Variants in NICN1 observed in about 807,000 individuals in gnomAD.
NICN1 encodes the protein nicolin 1, tubulin polyglutamylase complex subunit.
In NICN1, 18 loss-of-function variants were observed where a neutral mutation model predicts 26.3. The observed-to-expected ratio is 0.68, with a 90% CI of 0.47 to 1.01. The LOEUF (loss-of-function observed/expected upper bound fraction) is 1.01, where lower values mean the gene tolerates loss of function less well. Among genes scored for constraint, NICN1 ranks in the 50% least tolerant of loss-of-function variants. The pLI, the probability that NICN1 is intolerant of heterozygous loss-of-function variation, is 0.00. For missense variants in NICN1, 239 were observed against 278.3 expected (o/e 0.86, Z 1.00); for synonymous variants, 109 against 111.0 (o/e 0.98, Z 0.11).
rs914716059 is a variant in NICN1, at chr3:49,422,397, G to A, written c.*2436C>T. 3.7e-6 allele frequency: 6 copies of A among 1,613,884 alleles called. No individual in the cohort carries two copies. The African/African-American group carries it at 4.0e-5, about 11-fold the overall frequency. ...TAAGTGGACGACACAAGGCCGGGGGGAATGCCTGCAGGCGAAAGCCCAGAC... is the reference window on the plus strand; with the variant it reads ...TAAGTGGACGACACAAGGCCGGGGGAAATGCCTGCAGGCGAAAGCCCAGAC... On this transcript the variant is annotated 3_prime_UTR_variant, in exon 6 of 6. Transcript: ENST00000273598.
chr3:49,422,495 T>C lies in NICN1; in HGVS notation c.*2338A>G, dbSNP rs759639271. ...AGACGGCGCACAGAGGCCACCACAC[T>C]GCCAGGCACGCCGGGAGATGTAGTC... On this transcript the variant is annotated 3_prime_UTR_variant, in exon 6 of 6. Transcript: ENST00000273598. The C allele has an allele frequency of 2.5e-6, 4 of 1,583,278 alleles. No individual in the cohort carries two copies. In the South Asian group the frequency reaches 4.5e-5, roughly 18 times the overall value.
At chr3:49,429,005 A>G (rs944503499) in intron 1 of NICN1, 103 bp downstream of exon 1, 2 of 1,118,836 alleles carry the variant, frequency 1.8e-6, no homozygotes, top group Non-Finnish European at 2.5e-6. Flanking sequence ...GGCAAGGAAG[A>G]CGGCAGAGGC....
chr3:49,426,100 G>A, intron 2 of NICN1, 104 bp from the exon 3 acceptor site: 5 of 1,110,422 alleles, frequency 4.5e-6, no homozygotes, highest in East Asian at 2.5e-5. Context: ...GCCTTGGGAA[G>A]GAAGGAACAG....
intron 4 of NICN1, 47 bp from the exon 5 acceptor site, chr3:49,425,100 T>C: frequency 2.0e-6 from 3 of 1,519,198 alleles, no homozygotes; most frequent in Non-Finnish European, 2.7e-6. Context: ...TCCCCAGCAG[T>C]GCCCTTCAGG....
rs1385065263 is a variant in NICN1 at position 49,425,052 on chromosome 3, C to A, written c.497G>T (p.Gly166Val). The stretch of plus-strand genomic sequence containing the variant: ...GGATACCCTGCTGGGGTCTGGGAGA[C>A]CCTGCTCCAGAAGGAGGGGTCAGTG... ...PCEQPALLRE[G>V]LPDPSRVSSE... The change falls in exon 5 of 6, where the codon GGT becomes GTT. Residue 166 changes from glycine to valine, a missense_variant and splice_region_variant. Physicochemically the swap from Gly to Val is moderately radical, Grantham distance 109. Transcript: ENST00000273598. 3.7e-6 allele frequency: 6 copies of A among 1,613,220 alleles called. 1 individual carries two copies. In the African/African-American group the frequency reaches 8.0e-5, roughly 22 times the overall value.
Position 49,423,150 on chromosome 3 carries a change from C to T in NICN1, c.*1683G>A, listed in dbSNP as rs2049139116. On this transcript the variant is annotated 3_prime_UTR_variant, in exon 6 of 6. Transcript: ENST00000273598. ...GATGAAGTCGCCACCTGCAAGAACT[C>T]ACAGGTGAGAACAGAGGGTGGCCAC... is the stretch of plus-strand genomic sequence containing the variant. 1 of 159,670 alleles carries T rather than the reference C, an allele frequency of 6.3e-6. No individual in the cohort carries two copies. The highest frequency in any genetic ancestry group is 1.4e-5 in the Non-Finnish European group (1 of 72,286). The allele number at this position is 159,670 out of a possible 1,614,324, so 9.9% of individuals were successfully genotyped here.
At position 49,426,200 on chromosome 3, in the gene NICN1, C is replaced by T; in HGVS notation, c.309+52G>A. 5.7e-6 allele frequency: 9 copies of T among 1,574,124 alleles called. No homozygotes were observed. In the South Asian group the frequency reaches 1.0e-4, roughly 18 times the overall value. ...TGGTATATTGATCCAATCCCCCCAC[C>T]TCTGGTAAGTCCTCATCTGGGCTGC... On this transcript the variant is annotated intron_variant, in intron 2 of 5. Transcript: ENST00000273598.
intron 1 of NICN1, among the ~76,000 whole-genome samples, chr3:49,427,732 C>G (rs2049187016): frequency 6.6e-6 from 1 of 151,928 alleles, no homozygotes; most frequent in Non-Finnish European, 1.5e-5. Context: ...TGGTGTGCCA[C>G]TGGAACAGCC....
chr3:49,424,476 T>C lies in NICN1; in HGVS notation c.*357A>G. The C allele has an allele frequency of 2.4e-6, 1 of 420,976 alleles. No homozygotes were observed. The highest frequency in any genetic ancestry group is 4.3e-6 in the Non-Finnish European group (1 of 229,932). 26.1% of individuals were successfully genotyped at this position (420,976 alleles called of 1,614,324 possible). A position where few individuals can be genotyped will look rare whatever the true frequency, so the allele number is the denominator to read the frequency against. ...CATACATGGAGCAGGTTTTAGTAGG[T>C]CAGCCCAGCCCAACTGCACTGACAT... On this transcript the variant is annotated 3_prime_UTR_variant, in exon 6 of 6. Transcript: ENST00000273598.
At chr3:49,427,621 T>A (rs1468340596) in intron 1 of NICN1, among the ~76,000 whole-genome samples, 2 of 127,140 alleles carry the variant, frequency 1.6e-5, no homozygotes, top group Middle Eastern at 4.3e-3. Flanking sequence ...CCAGCCTGGG[T>A]GACAAAACGA....
chr3:49,429,304 C>T lies in NICN1; in HGVS notation c.-65G>A. 1.3e-6 allele frequency: 2 copies of T among 1,501,296 alleles called. No individual in the cohort carries two copies. The highest frequency in any genetic ancestry group is 2.6e-5 in the South Asian group (2 of 77,572). 93.0% of individuals were successfully genotyped at this position (1,501,296 alleles called of 1,614,324 possible). A position where few individuals can be genotyped will look rare whatever the true frequency, so the allele number is the denominator to read the frequency against. ...GCCCCCGACCACCAGCCCTTCCCGGCATCCTCAGCCGAGCCTCAAGAACTA... is the reference window on the plus strand; with the variant it reads ...GCCCCCGACCACCAGCCCTTCCCGGTATCCTCAGCCGAGCCTCAAGAACTA... On this transcript the variant is annotated 5_prime_UTR_variant, in exon 1 of 6. An upstream start codon of the reference 5' UTR is lost. Coordinates refer to ENST00000273598, the MANE Select transcript of NICN1 (RefSeq NM_032316.3).
rs566704794 is a variant in NICN1, at chr3:49,425,429, C to T, written c.433G>A (p.Val145Met). 6.8e-6 allele frequency: 11 copies of T among 1,611,344 alleles called. No homozygotes were observed. Among genetic ancestry groups the T allele is most frequent in the East Asian group, 2.2e-5 (1 of 44,838 alleles). Reference sequence around the variant, plus strand: ...TGGGAGAGCCACTTGGGAAAGGTCACGGAGGGGCTCTGCAAAGCAAAGATG... The same window carrying T: ...TGGGAGAGCCACTTGGGAAAGGTCATGGAGGGGCTCTGCAAAGCAAAGATG... ...IYQQGPKSPS[V>M]TFPKWLSHPV... Residue 145 changes from valine (V) to methionine (M), a missense_variant, in exon 4 of 6, where the codon GTG becomes ATG. Transcript: ENST00000273598.
In NICN1 at chr3:49,429,261, G is replaced by C. The variant is rs955666117; in HGVS notation, c.-22C>G. ...ACATGGTGACAGCAGCCGCAACTAA[G>C]TGCAACCGCCGCTCTAGGCCCCCGA... On this transcript the variant is annotated 5_prime_UTR_variant, in exon 1 of 6. Transcript: ENST00000273598. The C allele has an allele frequency of 6.3e-7, 1 of 1,575,666 alleles. No homozygotes were observed. Among genetic ancestry groups the C allele is most frequent in the Non-Finnish European group, 8.6e-7 (1 of 1,158,000 alleles).
intron 1 of NICN1, among the ~76,000 whole-genome samples, chr3:49,426,696 T>C (rs2049173314): frequency 6.6e-6 from 1 of 152,026 alleles, no homozygotes; most frequent in Non-Finnish European, 1.5e-5. Flanking sequence ...CCCAGCTAAT[T>C]GTTTTGTACT....
intron 1 of NICN1, among the ~76,000 whole-genome samples, 182 bp from the exon 2 acceptor site, chr3:49,426,610 C>T (rs577502098): frequency 3.1e-4 from 47 of 151,930 alleles, no homozygotes; most frequent in African/African-American, 1.1e-3. Flanking sequence ...TCACTGCAAC[C>T]TCCACCTCCC....
intron 1 of NICN1, among the ~76,000 whole-genome samples, chr3:49,428,141 A>G (rs1414127865): frequency 6.6e-6 from 1 of 151,530 alleles, no homozygotes; most frequent in African/African-American, 2.4e-5. Context: ...AATTGCCTGA[A>G]CCCAGGAGGC....
chr3:49,422,596 G>T lies in NICN1; in HGVS notation c.*2237C>A. ...GCGTGGGCAGCCCCAAGGGCAGGCT[G>T]GGATTTAGAGCAGAGAATGCAGGAA... On this transcript the variant is annotated 3_prime_UTR_variant, in exon 6 of 6. Coordinates refer to ENST00000273598, the MANE Select transcript of NICN1 (RefSeq NM_032316.3). The T allele has an allele frequency of 1.1e-6, 1 of 872,902 alleles. No homozygotes were observed. The allele number at this position is 872,902 out of a possible 1,614,324, so 54.1% of individuals were successfully genotyped here. A position where few individuals can be genotyped will look rare whatever the true frequency, so the allele number is the denominator to read the frequency against.
In NICN1 at chr3:49,424,981, T is replaced by C; in HGVS notation, c.568A>G (p.Ser190Gly). 1 of 1,614,146 alleles carries C rather than the reference T, an allele frequency of 6.2e-7. No homozygotes were observed. The highest frequency in any genetic ancestry group is 8.5e-7 in the Non-Finnish European group (1 of 1,180,040). ...CGGCCGATCCTTGCGGAGGTGTGAC[T>C]GGCCCGGATCATCTCTGTCAGTGCC... ...MWALTEMIRA[S>G]HTSARIGRFD... The change falls in exon 5 of 6, where the codon AGT becomes GGT. Residue 190 changes from serine (S) to glycine (G), a missense_variant. By Grantham distance (56) the Ser-to-Gly change is moderately conservative. Coordinates refer to ENST00000273598, the MANE Select transcript of NICN1 (RefSeq NM_032316.3).
At chr3:49,426,503 C>T in intron 1 of NICN1, 75 bp from the exon 2 acceptor site, 2 of 1,076,606 alleles carry the variant, frequency 1.9e-6, no homozygotes, top group Non-Finnish European at 1.4e-6. Context: ...ATCAAAGGTG[C>T]CACCTCTTCC....
Sources: gnomAD v4.1 joint callset for allele counts (sites outside exome capture counted in the v4.1 genomes callset) on GRCh38, gnomAD v4.1.1 for gene constraint, MANE v1.5 for transcripts, NCBI Gene and HGNC (gene_info 2026-07-23, HGNC 2026-07-21) for gene names.